The following SPSB1 variants were observed in gnomAD, a reference collection of about 807,000 sequenced individuals.
SPSB1 encodes the protein SPRY domain-containing SOCS box protein 1.
In SPSB1, 8 loss-of-function variants were observed where a neutral mutation model predicts 21.2. That is an observed-to-expected ratio of 0.38 (90% CI 0.22 to 0.68). The LOEUF is 0.68. SPSB1 is among the 30% of genes least tolerant of loss of function. The pLI is 0.53. For synonymous variants in SPSB1, 169 were observed against 161.7 expected (o/e 1.05, Z -0.34); for missense variants, 242 against 377.8 (o/e 0.64, Z 2.98).
chr1:9,361,615 C>T (rs1001456000), intron 2 of SPSB1, among the ~76,000 whole-genome samples: 2 of 152,224 alleles, frequency 1.3e-5, no homozygotes, highest in East Asian at 1.9e-4. Flanking sequence ...ACTGAGTTCT[C>T]GACGTTTCCC....
chr1:9,338,180 TG>T (rs1249922216), intron 1 of SPSB1, among the ~76,000 whole-genome samples: 1 of 152,138 alleles, frequency 6.6e-6, no homozygotes, highest in Non-Finnish European at 1.5e-5. Flanking sequence ...GGTTGGCGGT[TG>T]GGGGGTGCCA....
intron 1 of SPSB1, among the ~76,000 whole-genome samples, chr1:9,328,626 C>T (rs548012360): frequency 1.3e-5 from 2 of 152,366 alleles, no homozygotes; most frequent in African/African-American, 2.4e-5. Flanking sequence ...TGAGCACCAA[C>T]GCCCCACCCA....
At chr1:9,359,618 C>G (rs1640432206) in intron 2 of SPSB1, among the ~76,000 whole-genome samples, 1 of 150,656 alleles carries the variant, frequency 6.6e-6, no homozygotes, top group Non-Finnish European at 1.5e-5. Flanking sequence ...AGGAGAATTG[C>G]TTGAACCCGG....
chr1:9,359,705 G>GAAAA lies in SPSB1; in HGVS notation c.694+3133_694+3136dup, dbSNP rs70979734. Reference sequence around the variant, plus strand: ...CAACAGAGCAAGACTCCGTCTCTGGGAAAAAAAAAAAAAAAAGTATCATTC... The same window carrying GAAAA: ...CAACAGAGCAAGACTCCGTCTCTGGGAAAAAAAAAAAAAAAAAAAAGTATCATTC... On this transcript the variant is annotated intron_variant, in intron 2 of 2. Coordinates refer to ENST00000328089, the MANE Select transcript of SPSB1 (RefSeq NM_025106.4). Among the ~76,000 whole-genome samples the GAAAA allele has an allele frequency of 3.5e-3, 463 of 131,172 alleles. 6 individuals carry two copies. The highest frequency in any genetic ancestry group is 7.8e-3 in the East Asian group (35 of 4,472). The allele number at this position is 131,172 out of a possible 152,430, so 86.1% of individuals were successfully genotyped here. A position where few individuals can be genotyped will look rare whatever the true frequency, so the allele number is the denominator to read the frequency against.
At chr1:9,301,612 C>T (rs1462007481) in intron 1 of SPSB1, among the ~76,000 whole-genome samples, 1 of 152,168 alleles carries the variant, frequency 6.6e-6, no homozygotes, top group Non-Finnish European at 1.5e-5. Flanking sequence ...GGTAGGATGA[C>T]CTAGGTGGAT....
chr1:9,299,330 C>T (rs950578071), intron 1 of SPSB1, among the ~76,000 whole-genome samples: 4 of 152,214 alleles, frequency 2.6e-5, no homozygotes, highest in Non-Finnish European at 5.9e-5. Flanking sequence ...TCTTGATCAC[C>T]TTTCCCTTCC....
chr1:9,323,164 G>T (rs1274462408), intron 1 of SPSB1, among the ~76,000 whole-genome samples: 1 of 152,246 alleles, frequency 6.6e-6, no homozygotes, highest in Non-Finnish European at 1.5e-5. Flanking sequence ...GTTGGAGGGG[G>T]GTATCCATGG....
intron 1 of SPSB1, among the ~76,000 whole-genome samples, chr1:9,296,933 C>A (rs994223476): frequency 7.9e-5 from 12 of 152,154 alleles, no homozygotes; most frequent in African/African-American, 2.9e-4. Flanking sequence ...CATTGCCCAA[C>A]GTTAAAAATA....
chr1:9,360,545 G>T (rs905627759), intron 2 of SPSB1, among the ~76,000 whole-genome samples: 15 of 152,152 alleles, frequency 9.9e-5, no homozygotes, highest in Non-Finnish European at 1.9e-4. Flanking sequence ...GACTGCCTCC[G>T]AGCTCTGAGG....
chr1:9,365,395 G>T (rs1167691637), intron 2 of SPSB1, among the ~76,000 whole-genome samples: 1 of 152,184 alleles, frequency 6.6e-6, no homozygotes, highest in Non-Finnish European at 1.5e-5. Flanking sequence ...GGGATTACAG[G>T]TATGAGCCAC....
rs1639774040 is a variant in SPSB1, at chr1:9,324,176, T to A, written c.-150+31105T>A. ...CATATTTCTGGTAGATAATCACTGGTTTTTCTCATCCGGCAAGTGGACACC... is the reference window on the plus strand; with the variant it reads ...CATATTTCTGGTAGATAATCACTGGATTTTCTCATCCGGCAAGTGGACACC... On this transcript the variant is annotated intron_variant, in intron 1 of 2. Coordinates refer to ENST00000328089, the MANE Select transcript of SPSB1 (RefSeq NM_025106.4). The surrounding 1 kb of genome is among the most constrained non-coding windows in gnomAD (Gnocchi z 4.3). 6.6e-6 allele frequency among the ~76,000 whole-genome samples: 1 copy of A among 152,120 alleles called. No individual in the cohort carries two copies. The highest frequency in any genetic ancestry group is 6.5e-5 in the Admixed American group (1 of 15,274).
chr1:9,323,310 GC>G lies in SPSB1; in HGVS notation c.-150+30243del, dbSNP rs561976927. Among the ~76,000 whole-genome samples the G allele has an allele frequency of 1.8e-4, 28 of 152,308 alleles. No individual in the cohort carries two copies. In the South Asian group the frequency reaches 5.4e-3, roughly 29 times the overall value. On this transcript the variant is annotated intron_variant, in intron 1 of 2. Transcript: ENST00000328089. ...TGTGGCTCCACTGGGCCCCTCTCTG[GC>G]CCCAGCCCCTTGGCGGGGCGCTCAG...
chr1:9,366,882 G>T (rs1456492253), intron 2 of SPSB1, among the ~76,000 whole-genome samples: 1 of 152,188 alleles, frequency 6.6e-6, no homozygotes, highest in Non-Finnish European at 1.5e-5. Context: ...CTAGTCTTCA[G>T]CTTTAAAACA....
At chr1:9,309,420 C>T (rs577553563) in intron 1 of SPSB1, among the ~76,000 whole-genome samples, 15 of 151,876 alleles carry the variant, frequency 9.9e-5, no homozygotes, top group Non-Finnish European at 1.3e-4. Context: ...TGGGCTCAAG[C>T]GATCTTCCCA....
intron 1 of SPSB1, among the ~76,000 whole-genome samples, chr1:9,307,052 T>C (rs1405940526): frequency 6.6e-6 from 1 of 151,868 alleles, no homozygotes; most frequent in South Asian, 2.1e-4. Flanking sequence ...CTTAGCCTCC[T>C]GGGTAGCTGG....
At chr1:9,315,729 T>A (rs1183032111) in intron 1 of SPSB1, among the ~76,000 whole-genome samples, 1 of 152,190 alleles carries the variant, frequency 6.6e-6, no homozygotes, top group Non-Finnish European at 1.5e-5. Context: ...GTGGGGGGCC[T>A]CAGGAGCACA....
At chr1:9,334,375 C>T (rs1345329983) in intron 1 of SPSB1, among the ~76,000 whole-genome samples, 5 of 152,194 alleles carry the variant, frequency 3.3e-5, no homozygotes, top group South Asian at 2.1e-4. Flanking sequence ...CATGAGCCAC[C>T]GTGCCTGGTC....
At chr1:9,315,910 A>G (rs1314066208) in intron 1 of SPSB1, among the ~76,000 whole-genome samples, 1 of 152,274 alleles carries the variant, frequency 6.6e-6, no homozygotes, top group Non-Finnish European at 1.5e-5. Flanking sequence ...TTCTTTCCCA[A>G]GAAGAGGGCT....
intron 1 of SPSB1, among the ~76,000 whole-genome samples, chr1:9,299,625 A>G (rs1185936975): frequency 2.0e-5 from 3 of 151,980 alleles, no homozygotes; most frequent in Non-Finnish European, 4.4e-5. Flanking sequence ...GATTACAGGC[A>G]TGCGCCACCA....
Sources: gnomAD v4.1 joint callset for allele counts (sites outside exome capture counted in the v4.1 genomes callset) on GRCh38, gnomAD v4.1.1 for gene constraint, Gnocchi (gnomAD v3.1) non-coding constraint, MANE v1.5 for transcripts, NCBI Gene and HGNC (gene_info 2026-07-23, HGNC 2026-07-21) for gene names.